DNM3: variants seen among roughly 807,000 people sequenced by gnomAD.
DNM3 encodes dynamin-3.
A neutral mutation model predicts 101.6 loss-of-function variants in DNM3; 47 were observed. The ratio of observed to expected loss-of-function variants is 0.46; its 90% CI spans 0.37 to 0.59. The LOEUF is 0.59. DNM3 is among the 20% of genes least tolerant of loss of function. The probability of loss-of-function intolerance (pLI) is 0.00; values close to 1 mark genes in which losing one functional copy is unlikely to be tolerated. For synonymous variants in DNM3, 385 were observed against 387.9 expected (o/e 0.99, Z 0.09); for missense variants, 849 against 1,085.7 (o/e 0.78, Z 3.06).
At chr1:172,045,662 A>C (rs1030075241) in intron 9 of DNM3, among the ~76,000 whole-genome samples, 1 of 152,216 alleles carries the variant, frequency 6.6e-6, no homozygotes, top group South Asian at 2.1e-4. Flanking sequence ...TATTCATTTC[A>C]TGTACAGAAG....
intron 14 of DNM3, among the ~76,000 whole-genome samples, chr1:172,221,983 T>C (rs1195658680): frequency 6.6e-6 from 1 of 152,174 alleles, no homozygotes; most frequent in Non-Finnish European, 1.5e-5. Flanking sequence ...CAAGTCTTAA[T>C]CATCAAGTAG....
chr1:172,042,172 A>G, intron 8 of DNM3, 28 bp downstream of exon 8: 2 of 1,570,536 alleles, frequency 1.3e-6, no homozygotes, highest in Non-Finnish European at 1.7e-6. Flanking sequence ...TTTTTTTCTT[A>G]GTTTCACTTC....
At chr1:171,856,741 A>T (rs112578804) in intron 1 of DNM3, among the ~76,000 whole-genome samples, 1 of 152,128 alleles carries the variant, frequency 6.6e-6, no homozygotes, top group African/African-American at 2.4e-5. Flanking sequence ...TGAAACCTTG[A>T]TGAAGTTGTT....
chr1:172,311,014 T>G (rs2065055734), intron 16 of DNM3: 1 of 152,176 alleles, frequency 6.6e-6, no homozygotes, highest in Non-Finnish European at 1.5e-5. Context: ...CTTTTCACAT[T>G]TCAAGATTCT....
At chr1:172,132,263 C>G (rs1049398145) in intron 14 of DNM3, among the ~76,000 whole-genome samples, 2 of 152,090 alleles carry the variant, frequency 1.3e-5, no homozygotes, top group African/African-American at 2.4e-5. Context: ...AGTTTCATGT[C>G]TTATATAGCA....
rs1409390104 is a variant in DNM3 at position 172,411,491 on chromosome 1, A to C, written c.*3650A>C. 1.1e-5 allele frequency: 11 copies of C among 984,796 alleles called. No individual in the cohort carries two copies. Among genetic ancestry groups the C allele is most frequent in the Non-Finnish European group, 1.3e-5 (11 of 829,566 alleles). The allele number at this position is 984,796 out of a possible 1,614,324, so 61.0% of individuals were successfully genotyped here. A position where few individuals can be genotyped will look rare whatever the true frequency, so the allele number is the denominator to read the frequency against. ...TTTTTGGATTGCTGAGCTGAATCTT[A>C]AAAAGCCAAGTTGATATACATAGTC... On this transcript the variant is annotated 3_prime_UTR_variant, in exon 21 of 21. Transcript: ENST00000627582.
chr1:172,141,526 T>C (rs1402362758), intron 14 of DNM3, among the ~76,000 whole-genome samples: 1 of 152,090 alleles, frequency 6.6e-6, no homozygotes, highest in Non-Finnish European at 1.5e-5. Context: ...CGAGCATGGA[T>C]GCTTGTGGAT....
At chr1:171,939,090 T>G (rs1447583253) in intron 2 of DNM3, among the ~76,000 whole-genome samples, 2 of 152,178 alleles carry the variant, frequency 1.3e-5, no homozygotes, top group Non-Finnish European at 2.9e-5. Flanking sequence ...TTCCTTGGCT[T>G]AAGCATTGAT....
At chr1:171,901,272 C>G (rs1473809370) in intron 1 of DNM3, among the ~76,000 whole-genome samples, 2 of 152,076 alleles carry the variant, frequency 1.3e-5, no homozygotes, top group Non-Finnish European at 2.9e-5. Context: ...TCTTATACAG[C>G]ATTTTCGCAC....
intron 14 of DNM3, among the ~76,000 whole-genome samples, chr1:172,193,394 TCCCTCTTTTTC>T (rs2059815109): frequency 6.6e-6 from 1 of 152,190 alleles, no homozygotes; most frequent in Non-Finnish European, 1.5e-5. Flanking sequence ...TAGGGAGGAT[TCCCTCTTTTTC>T]TATTGATTGG....
chr1:172,071,086 C>CGTGTATATAT, intron 11 of DNM3, among the ~76,000 whole-genome samples: 1 of 65,084 alleles, frequency 1.5e-5, no homozygotes, highest in Admixed American at 1.7e-4. Flanking sequence ...CAAGACCCTG[C>CGTGTATATAT]ATATATATAT....
At chr1:172,023,295 T>C (rs2047972129) in intron 4 of DNM3, among the ~76,000 whole-genome samples, 1 of 152,176 alleles carries the variant, frequency 6.6e-6, no homozygotes, top group Non-Finnish European at 1.5e-5. Flanking sequence ...GTCTTCCTCT[T>C]TATTAGTTTG....
At chr1:172,403,127 A>C (rs187384003) in intron 20 of DNM3, among the ~76,000 whole-genome samples, 1 of 152,180 alleles carries the variant, frequency 6.6e-6, no homozygotes. Flanking sequence ...CAATAGAAAA[A>C]ATTCTGCACT....
intron 14 of DNM3, among the ~76,000 whole-genome samples, chr1:172,212,593 GA>G (rs1387259311): frequency 1.3e-5 from 2 of 152,122 alleles, no homozygotes; most frequent in Non-Finnish European, 2.9e-5. Context: ...GTCACCACAG[GA>G]GAAGGTGTGA....
intron 14 of DNM3, among the ~76,000 whole-genome samples, chr1:172,247,978 C>T (rs973580711): frequency 6.6e-6 from 1 of 152,146 alleles, no homozygotes; most frequent in African/African-American, 2.4e-5. Flanking sequence ...GCCACCATAC[C>T]TGGCCTTTAT....
intron 14 of DNM3, among the ~76,000 whole-genome samples, chr1:172,141,592 G>A (rs1252675453): frequency 6.6e-6 from 1 of 152,046 alleles, no homozygotes; most frequent in Non-Finnish European, 1.5e-5. Context: ...AACAGCTTAA[G>A]ACTTCAACCA....
At chr1:172,250,767 T>G (rs770582146) in intron 14 of DNM3, among the ~76,000 whole-genome samples, 1 of 152,042 alleles carries the variant, frequency 6.6e-6, no homozygotes, top group Non-Finnish European at 1.5e-5. Context: ...ATAAACCTGA[T>G]AGCAGAAACA....
intron 14 of DNM3, among the ~76,000 whole-genome samples, chr1:172,238,597 TA>T (rs1398681863): frequency 3.9e-5 from 6 of 152,120 alleles, no homozygotes; most frequent in African/African-American, 1.4e-4. Context: ...CAGCATGTAT[TA>T]AGTACCTGCT....
At chr1:171,855,363 G>A (rs1042022892) in intron 1 of DNM3, among the ~76,000 whole-genome samples, 4 of 152,166 alleles carry the variant, frequency 2.6e-5, no homozygotes, top group Non-Finnish European at 5.9e-5. Context: ...CCTTATGGTA[G>A]AATGAGTTAT....
Sources: allele counts gnomAD v4.1 joint callset (sites outside exome capture counted in the v4.1 genomes callset), GRCh38; gene constraint gnomAD v4.1.1; transcripts MANE v1.5; gene names NCBI Gene and HGNC (gene_info 2026-07-23, HGNC 2026-07-21).